FAM135B: variants seen among roughly 807,000 people sequenced by gnomAD.
FAM135B encodes the protein family with sequence similarity 135 member B, also known as protein FAM135B.
In FAM135B, 43 loss-of-function variants were observed where a neutral mutation model predicts 127.7. The observed-to-expected ratio is 0.34, with a 90% CI of 0.26 to 0.43. The LOEUF (loss-of-function observed/expected upper bound fraction) is 0.43, where lower values mean the gene tolerates loss of function less well. Ranked by LOEUF, FAM135B falls within the 20% of genes least tolerant of loss-of-function variation. The pLI is 1.00. For synonymous variants in FAM135B, 670 were observed against 665.1 expected (o/e 1.01, Z -0.11); for missense variants, 1,558 against 1,725.6 (o/e 0.90, Z 1.72).
chr8:138,241,827 T>C lies in FAM135B; in HGVS notation c.669+1115A>G, dbSNP rs542499403. On this transcript the variant is annotated intron_variant, in intron 7 of 19. Coordinates refer to ENST00000395297, the MANE Select transcript of FAM135B (RefSeq NM_015912.4). The surrounding 1 kb of genome is among the most constrained non-coding windows in gnomAD (Gnocchi z 4.8). ...TATTCTAGGTAAGCCTGTGAGGGTA[T>C]GTCTGGATGAACTGGTCAATTGAAT... Among the ~76,000 whole-genome samples, 2 of 152,330 alleles carry C rather than the reference T, an allele frequency of 1.3e-5. No homozygotes were observed. The highest frequency in any genetic ancestry group is 6.5e-5 in the Admixed American group (1 of 15,302).
intron 7 of FAM135B, among the ~76,000 whole-genome samples, chr8:138,216,942 C>G (rs947570678): frequency 6.6e-6 from 1 of 152,184 alleles, no homozygotes; most frequent in Non-Finnish European, 1.5e-5. Flanking sequence ...GTGGAGTCTA[C>G]CAGCTTCTTC....
At chr8:138,477,282 A>G (rs1038991035) in intron 1 of FAM135B, 2 of 152,122 alleles carry the variant, frequency 1.3e-5, no homozygotes, top group African/African-American at 4.8e-5. Context: ...GGATCATGTA[A>G]TCTCTTTTCC....
chr8:138,166,096 G>A (rs1333458580), intron 12 of FAM135B, among the ~76,000 whole-genome samples: 1 of 152,164 alleles, frequency 6.6e-6, no homozygotes, highest in Non-Finnish European at 1.5e-5. Context: ...GTTGAACGTC[G>A]GCTTTAATAA....
intron 2 of FAM135B, among the ~76,000 whole-genome samples, chr8:138,317,957 G>A (rs940554695): frequency 6.6e-5 from 10 of 152,210 alleles, no homozygotes; most frequent in South Asian, 2.1e-4. Context: ...CATTGACTGC[G>A]TGTTGCTAGA....
At chr8:138,133,251 C>G (rs141574049) in intron 19 of FAM135B, among the ~76,000 whole-genome samples, 2 of 152,264 alleles carry the variant, frequency 1.3e-5, no homozygotes, top group African/African-American at 4.8e-5. Flanking sequence ...GCATTTCACC[C>G]GACTCCTCTG....
intron 2 of FAM135B, among the ~76,000 whole-genome samples, chr8:138,347,473 G>A (rs1260634438): frequency 6.6e-5 from 10 of 152,198 alleles, no homozygotes; most frequent in African/African-American, 2.2e-4. Flanking sequence ...ACCTCTGCAT[G>A]AGCGTAGTGC....
intron 1 of FAM135B, chr8:138,438,659 A>G (rs949357835): frequency 6.6e-6 from 1 of 152,208 alleles, no homozygotes; most frequent in Non-Finnish European, 1.5e-5. Flanking sequence ...AGGATGGAAA[A>G]CAACTAAGAG....
chr8:138,273,247 C>T (rs898127493), intron 3 of FAM135B, among the ~76,000 whole-genome samples: 1 of 152,092 alleles, frequency 6.6e-6, no homozygotes, highest in African/African-American at 2.4e-5. Flanking sequence ...ACTCTGTAGC[C>T]CAGGCTGGAG....
intron 1 of FAM135B, among the ~76,000 whole-genome samples, chr8:138,413,888 G>A (rs931136612): frequency 2.6e-5 from 4 of 151,406 alleles, no homozygotes; most frequent in Non-Finnish European, 5.9e-5. Flanking sequence ...ACCTGGGGGG[G>A]TGGGTGACAA....
intron 7 of FAM135B, among the ~76,000 whole-genome samples, chr8:138,214,338 T>G (rs1178947325): frequency 1.3e-5 from 2 of 152,256 alleles, no homozygotes; most frequent in Non-Finnish European, 2.9e-5. Flanking sequence ...ACACATAGTA[T>G]GCTTAACATG....
chr8:138,245,420 C>T (rs553763130), intron 6 of FAM135B, among the ~76,000 whole-genome samples: 1 of 152,174 alleles, frequency 6.6e-6, no homozygotes, highest in Non-Finnish European at 1.5e-5. Flanking sequence ...GGGTGGTTAC[C>T]TCCATGCTGT....
rs114686716 is a variant in FAM135B, at chr8:138,458,000, A to C, written c.-20+38671T>G. 4.1e-3 allele frequency among the ~76,000 whole-genome samples: 629 copies of C among 151,724 alleles called. 1 individual carries two copies. The highest frequency in any genetic ancestry group is 0.014 in the African/African-American group (600 of 41,400). ...AAAAAAAAAAAAAAAAAGAGAGAGA[A>C]AAAAACTTAGCTGGATGTGGCACAC... On this transcript the variant is annotated intron_variant, in intron 1 of 19. Transcript: ENST00000395297.
chr8:138,460,663 G>A (rs1837068772), intron 1 of FAM135B, among the ~76,000 whole-genome samples: 1 of 152,026 alleles, frequency 6.6e-6, no homozygotes, highest in Non-Finnish European at 1.5e-5. Flanking sequence ...ACTCCATTTT[G>A]ACTAATGAAA....
At chr8:138,473,030 T>G (rs556912354) in intron 1 of FAM135B, among the ~76,000 whole-genome samples, 1 of 152,172 alleles carries the variant, frequency 6.6e-6, no homozygotes. Flanking sequence ...ATATGAATTA[T>G]TACATTCTGG....
At chr8:138,140,166 G>C (rs1033235248) in intron 17 of FAM135B, among the ~76,000 whole-genome samples, 2 of 152,182 alleles carry the variant, frequency 1.3e-5, no homozygotes, top group South Asian at 4.1e-4. Flanking sequence ...ACTTCCATTT[G>C]TTATGTGCCA....
intron 2 of FAM135B, among the ~76,000 whole-genome samples, chr8:138,367,577 C>T (rs1830827863): frequency 6.6e-6 from 1 of 152,160 alleles, no homozygotes; most frequent in Non-Finnish European, 1.5e-5. Context: ...TTTACCACAG[C>T]TACACAGGCA....
At chr8:138,488,427 GGA>G (rs1491099238) in intron 1 of FAM135B, among the ~76,000 whole-genome samples, 88 of 143,914 alleles carry the variant, frequency 6.1e-4, no homozygotes, top group African/African-American at 2.4e-3. Flanking sequence ...ATTCTTTTGA[GGA>G]AAAAAAAAAA....
intron 3 of FAM135B, among the ~76,000 whole-genome samples, chr8:138,299,594 C>T (rs1403105882): frequency 7.4e-6 from 1 of 134,988 alleles, no homozygotes; most frequent in African/African-American, 2.6e-5. Context: ...CATACACACA[C>T]ACACACACAC....
At chr8:138,235,182 A>G (rs1406736429) in intron 7 of FAM135B, among the ~76,000 whole-genome samples, 3 of 152,154 alleles carry the variant, frequency 2.0e-5, no homozygotes, top group African/African-American at 7.2e-5. Flanking sequence ...GTAAGTCTCT[A>G]TCTCCTCACC....
Sources: gnomAD v4.1 joint callset for allele counts (sites outside exome capture counted in the v4.1 genomes callset) on GRCh38, gnomAD v4.1.1 for gene constraint, Gnocchi (gnomAD v3.1) non-coding constraint, MANE v1.5 for transcripts, NCBI Gene and HGNC (gene_info 2026-07-23, HGNC 2026-07-21) for gene names.